The following DLG2 variants were observed in gnomAD, a reference collection of about 807,000 sequenced individuals.
The protein encoded by DLG2 is discs large MAGUK scaffold protein 2.
DLG2 carries 45 observed loss-of-function variants against 132.5 expected under a neutral mutation model. That is an observed-to-expected ratio of 0.34 (90% CI 0.27 to 0.44). The LOEUF is 0.44. Ranked by LOEUF, DLG2 falls within the 20% of genes least tolerant of loss-of-function variation. The probability of loss-of-function intolerance (pLI) is 1.00; values close to 1 mark genes in which losing one functional copy is unlikely to be tolerated. For missense variants in DLG2, 1,045 were observed against 1,196.9 expected, an observed-to-expected ratio of 0.87 and a Z score of 1.87; for synonymous variants, 424 against 419.6, an observed-to-expected ratio of 1.01 and a Z score of -0.13.
chr11:84,507,626 T>A (rs1013122290), intron 7 of DLG2, among the ~76,000 whole-genome samples: 1 of 152,206 alleles, frequency 6.6e-6, no homozygotes, highest in African/African-American at 2.4e-5. Flanking sequence ...ATGAACCTTA[T>A]TATTTTGAGT....
chr11:84,421,379 T>C (rs1406725422), intron 7 of DLG2, among the ~76,000 whole-genome samples: 1 of 152,184 alleles, frequency 6.6e-6, no homozygotes, highest in Non-Finnish European at 1.5e-5. Flanking sequence ...GTAAACTTGT[T>C]AAGAATGCAA....
At chr11:84,873,927 C>G (rs2085899104) in intron 6 of DLG2, among the ~76,000 whole-genome samples, 1 of 152,200 alleles carries the variant, frequency 6.6e-6, no homozygotes, top group Admixed American at 6.5e-5. Context: ...AATCATTTAT[C>G]ATGATGGTCA....
At chr11:83,626,811 G>T (rs995519676) in intron 19 of DLG2, among the ~76,000 whole-genome samples, 8 of 152,116 alleles carry the variant, frequency 5.3e-5, no homozygotes, top group African/African-American at 1.7e-4. Flanking sequence ...TTCCTTTCAG[G>T]TTCTGCCTCT....
intron 7 of DLG2, among the ~76,000 whole-genome samples, chr11:84,533,276 T>A (rs1177346664): frequency 1.3e-5 from 2 of 152,200 alleles, no homozygotes; most frequent in Non-Finnish European, 2.9e-5. Context: ...GATGTCGTGT[T>A]TTTCAGATGA....
chr11:85,505,258 T>C (rs925801110), intron 3 of DLG2, among the ~76,000 whole-genome samples: 1 of 152,182 alleles, frequency 6.6e-6, no homozygotes, highest in Non-Finnish European at 1.5e-5. Flanking sequence ...CAACACTATG[T>C]TGAATAGGAG....
chr11:85,410,119 A>T (rs1017514950), intron 3 of DLG2, among the ~76,000 whole-genome samples: 1 of 151,868 alleles, frequency 6.6e-6, no homozygotes, highest in Admixed American at 6.6e-5. Context: ...TGGACACATA[A>T]GACAAGAATA....
In DLG2 at chr11:83,721,810, T is replaced by C. The variant is rs140340213; in HGVS notation, c.1825+64880A>G. Among the ~76,000 whole-genome samples, 84 of 152,284 alleles carry C rather than the reference T, an allele frequency of 5.5e-4. No homozygotes were observed. In the East Asian group the frequency reaches 0.014, roughly 25 times the overall value. ...AACTTACTGAAGGCAAACTTATGAA[T>C]ATAAATAAAGAAGGTGGCTGGGATA... is the stretch of plus-strand genomic sequence containing the variant. On this transcript the variant is annotated intron_variant, in intron 18 of 27. Coordinates refer to ENST00000376104, the MANE Select transcript of DLG2 (RefSeq NM_001142699.3).
intron 6 of DLG2, among the ~76,000 whole-genome samples, chr11:85,105,051 C>T (rs1017174827): frequency 1.3e-5 from 2 of 151,744 alleles, no homozygotes; most frequent in South Asian, 2.1e-4. Flanking sequence ...TCAATTTTAC[C>T]GTGTGCCTAT....
At chr11:85,516,254 T>C (rs941730886) in intron 3 of DLG2, among the ~76,000 whole-genome samples, 8 of 151,800 alleles carry the variant, frequency 5.3e-5, no homozygotes, top group Admixed American at 4.6e-4. Flanking sequence ...TGGAAATGAA[T>C]AAAAAGAGAC....
chr11:83,502,293 T>C (rs1223614314), intron 21 of DLG2, among the ~76,000 whole-genome samples: 1 of 152,082 alleles, frequency 6.6e-6, no homozygotes, highest in Non-Finnish European at 1.5e-5. Flanking sequence ...GCAGTTTGGC[T>C]CCAGAGTTGC....
intron 8 of DLG2, among the ~76,000 whole-genome samples, chr11:84,232,081 AT>A (rs760226858): frequency 6.6e-6 from 1 of 152,048 alleles, no homozygotes; most frequent in African/African-American, 2.4e-5. Flanking sequence ...AAGGAAAAAA[AT>A]ATATATAAAA....
intron 6 of DLG2, among the ~76,000 whole-genome samples, chr11:84,773,614 C>T (rs2069822614): frequency 1.3e-5 from 2 of 152,134 alleles, no homozygotes; most frequent in Non-Finnish European, 2.9e-5. Flanking sequence ...AAAGTTGGTT[C>T]CACATATGCA....
intron 6 of DLG2, among the ~76,000 whole-genome samples, chr11:85,004,524 A>G (rs541180405): frequency 1.4e-4 from 22 of 152,202 alleles, no homozygotes; most frequent in Admixed American, 4.6e-4. Context: ...TATTCTTCTG[A>G]GAAGTGTCTG....
At position 83,457,501 on chromosome 11, in the gene DLG2, A is replaced by AGTT. The variant is rs1479188818; in HGVS notation, c.*2314_*2316dup. The AGTT allele has an allele frequency of 1.3e-5, 2 of 152,646 alleles. No individual in the cohort carries two copies. The highest frequency in any genetic ancestry group is 2.9e-5 in the Non-Finnish European group (2 of 68,036). 9.5% of individuals were successfully genotyped at this position (152,646 alleles called of 1,614,324 possible). ...AAGCATCTACACTAGGAAAATAAAT[A>AGTT]GTTATATTACTACAAAACCAAGGGT... On this transcript the variant is annotated 3_prime_UTR_variant, in exon 28 of 28. Transcript: ENST00000376104.
intron 9 of DLG2, among the ~76,000 whole-genome samples, chr11:84,120,185 T>C (rs2093838161): frequency 6.6e-6 from 1 of 152,056 alleles, no homozygotes; most frequent in Non-Finnish European, 1.5e-5. Flanking sequence ...TGACATTCCA[T>C]CCCCCATTTA....
At chr11:84,399,408 G>A (rs1335686880) in intron 7 of DLG2, among the ~76,000 whole-genome samples, 1 of 152,040 alleles carries the variant, frequency 6.6e-6, no homozygotes, top group Non-Finnish European at 1.5e-5. Context: ...AGCCATGATG[G>A]CACTAAAAAA....
At chr11:84,898,687 C>T (rs1643933487) in intron 6 of DLG2, among the ~76,000 whole-genome samples, 1 of 151,880 alleles carries the variant, frequency 6.6e-6, no homozygotes, top group Non-Finnish European at 1.5e-5. Flanking sequence ...TCTCTCCCCT[C>T]CACTGTTCTA....
In DLG2 at chr11:84,711,017, T is replaced by G. The variant is rs993424375; in HGVS notation, c.358-176286A>C. On this transcript the variant is annotated intron_variant, in intron 6 of 27. Transcript: ENST00000376104. ...ACATTCATATATATATAGATATATA[T>G]ATATATATATATATAGAGCTGAAAA... 1.5e-4 allele frequency among the ~76,000 whole-genome samples: 13 copies of G among 88,778 alleles called. No individual in the cohort carries two copies. The South Asian group carries it at 1.7e-3, about 12-fold the overall frequency. 58.2% of individuals were successfully genotyped at this position (88,778 alleles called of 152,430 possible).
intron 7 of DLG2, among the ~76,000 whole-genome samples, chr11:84,301,812 C>A (rs868435563): frequency 6.6e-6 from 1 of 151,974 alleles, no homozygotes; most frequent in African/African-American, 2.4e-5. Context: ...GATCTAGAAC[C>A]AGAAATACCA....
Sources: allele counts gnomAD v4.1 joint callset (sites outside exome capture counted in the v4.1 genomes callset), GRCh38; gene constraint gnomAD v4.1.1; transcripts MANE v1.5; gene names NCBI Gene and HGNC (gene_info 2026-07-23, HGNC 2026-07-21).